TTC27: variants seen among roughly 807,000 people sequenced by gnomAD.
TTC27 encodes tetratricopeptide repeat domain 27, also known as tetratricopeptide repeat protein 27.
Under a neutral mutation model 115.9 loss-of-function variants are expected in TTC27, and 79 were observed. The observed-to-expected ratio is 0.68, with a 90% CI of 0.57 to 0.82. TTC27 has a LOEUF of 0.82. Ranked by LOEUF, TTC27 falls within the 40% of genes least tolerant of loss-of-function variation. The probability of loss-of-function intolerance (pLI) is 0.00; values close to 1 mark genes in which losing one functional copy is unlikely to be tolerated. For missense variants in TTC27, 1,054 were observed against 993.1 expected (o/e 1.06, Z -0.82); for synonymous variants, 401 against 356.0 (o/e 1.13, Z -1.42).
chr2:32,649,945 G>A (rs1665024939), intron 4 of TTC27, among the ~76,000 whole-genome samples, 186 bp from the exon 5 acceptor site: 1 of 152,248 alleles, frequency 6.6e-6, no homozygotes, highest in Non-Finnish European at 1.5e-5. Flanking sequence ...GAGGTGAGGT[G>A]TTATTCTTAT....
At position 32,789,892 on chromosome 2, in the gene TTC27, G is replaced by A. The variant is rs1455670899; in HGVS notation, c.1998+2743G>A. On this transcript the variant is annotated intron_variant, in intron 16 of 19. Coordinates refer to ENST00000317907, the MANE Select transcript of TTC27 (RefSeq NM_017735.5). ...GCCATGATCACACCACTGTACCCCA[G>A]CCTGGATGACAGAGCAAGACCCTGT... Among the ~76,000 whole-genome samples the A allele has an allele frequency of 5.0e-5, 6 of 120,658 alleles. No individual in the cohort carries two copies. The South Asian group carries it at 1.4e-3, about 28-fold the overall frequency. 79.2% of individuals were successfully genotyped at this position (120,658 alleles called of 152,430 possible).
chr2:32,656,083 A>G (rs1368561400), intron 5 of TTC27, among the ~76,000 whole-genome samples: 2 of 151,812 alleles, frequency 1.3e-5, no homozygotes, highest in East Asian at 3.9e-4. Context: ...TCTAAATGCC[A>G]ATTTCATAAT....
At chr2:32,698,956 T>A (rs142442125) in intron 9 of TTC27, among the ~76,000 whole-genome samples, 146 of 152,336 alleles carry the variant, frequency 9.6e-4, no homozygotes, top group African/African-American at 3.4e-3. Context: ...TTCCCAATTC[T>A]ATCTAGAGAA....
chr2:32,686,673 G>A (rs1204419787), intron 9 of TTC27, among the ~76,000 whole-genome samples: 2 of 151,558 alleles, frequency 1.3e-5, no homozygotes, highest in East Asian at 3.9e-4. Context: ...TTCTGTAGTG[G>A]TTCTGATTGG....
chr2:32,807,251 A>T (rs994705734), intron 16 of TTC27, among the ~76,000 whole-genome samples: 1 of 152,298 alleles, frequency 6.6e-6, no homozygotes, highest in South Asian at 2.1e-4. Flanking sequence ...TAACAGATAT[A>T]TAGTTTTACA....
intron 4 of TTC27, among the ~76,000 whole-genome samples, chr2:32,644,392 T>C (rs1439632838): frequency 1.3e-5 from 2 of 151,246 alleles, no homozygotes; most frequent in African/African-American, 4.9e-5. Flanking sequence ...TGAAAAATAA[T>C]ATATATACTG....
rs1664310790 is a variant in TTC27, at chr2:32,633,873, C to T, written c.267-3C>T. 1.2e-6 allele frequency: 2 copies of T among 1,612,724 alleles called. No individual in the cohort carries two copies. Among genetic ancestry groups the T allele is most frequent in the South Asian group, 1.1e-5 (1 of 90,678 alleles). ...TTATTTCTTTAACCATTCTTATATG[C>T]AGACAACAGTTGATATTTCTACTTG... On this transcript the variant is annotated splice_polypyrimidine_tract_variant and splice_region_variant and intron_variant, in intron 2 of 19. Coordinates refer to ENST00000317907, the MANE Select transcript of TTC27 (RefSeq NM_017735.5).
At chr2:32,655,568 A>G (rs1665285565) in intron 5 of TTC27, among the ~76,000 whole-genome samples, 1 of 152,206 alleles carries the variant, frequency 6.6e-6, no homozygotes. Context: ...CTTTCCAGGT[A>G]TAAAATAATG....
Position 32,787,035 on chromosome 2 carries a change from C to G in TTC27, c.1884C>G (p.His628Gln), listed in dbSNP as rs201493752. ...AAGCTCTCAAGTGTAACTATGAACA[C>G]TGGCAGATTTGGGAAAACTACATCC... ...LQEALKCNYE[H>Q]WQIWENYILT... The change falls in exon 16 of 20, where the codon CAC becomes CAG. Residue 628 changes from histidine (H) to glutamine (Q), a missense_variant. Physicochemically the swap from His to Gln is conservative, Grantham distance 24. Transcript: ENST00000317907. 3 of 1,614,090 alleles carry G rather than the reference C, an allele frequency of 1.9e-6. No homozygotes were observed. Among genetic ancestry groups the G allele is most frequent in the Non-Finnish European group, 2.5e-6 (3 of 1,179,986 alleles).
chr2:32,794,466 T>G (rs1670634875), intron 16 of TTC27, among the ~76,000 whole-genome samples: 1 of 152,068 alleles, frequency 6.6e-6, no homozygotes, highest in African/African-American at 2.4e-5. Context: ...AGGAAGAAAT[T>G]TATAACTCTA....
chr2:32,648,097 G>T (rs560942197), intron 4 of TTC27, among the ~76,000 whole-genome samples: 22 of 152,172 alleles, frequency 1.4e-4, no homozygotes, highest in Admixed American at 1.4e-3. Context: ...TGATATTGGG[G>T]CTGTGGAAGA....
intron 13 of TTC27, among the ~76,000 whole-genome samples, chr2:32,760,169 G>A (rs779488320): frequency 5.3e-5 from 8 of 152,140 alleles, no homozygotes; most frequent in South Asian, 2.1e-4. Flanking sequence ...CTTACTTTCC[G>A]AACTCTGAAT....
intron 13 of TTC27, among the ~76,000 whole-genome samples, chr2:32,764,654 G>C (rs1052237718): frequency 5.9e-5 from 9 of 152,154 alleles, no homozygotes; most frequent in Non-Finnish European, 1.2e-4. Context: ...TTTCTCTGTA[G>C]CATACAATGG....
At chr2:32,732,552 C>CT (rs982753765) in intron 10 of TTC27, among the ~76,000 whole-genome samples, 4 of 151,600 alleles carry the variant, frequency 2.6e-5, no homozygotes, top group Non-Finnish European at 5.9e-5. Context: ...GATTCCCGTC[C>CT]TTTTTTTTTC....
intron 12 of TTC27, among the ~76,000 whole-genome samples, chr2:32,754,065 C>A (rs527288746): frequency 6.6e-6 from 1 of 151,248 alleles, no homozygotes; most frequent in East Asian, 1.9e-4. Flanking sequence ...AGAAGCAAGA[C>A]TCCATCTCAA....
chr2:32,703,427 A>T (rs867844804), intron 10 of TTC27, among the ~76,000 whole-genome samples: 1 of 152,242 alleles, frequency 6.6e-6, no homozygotes, highest in Non-Finnish European at 1.5e-5. Flanking sequence ...AGATCGTGCC[A>T]TTGCACTCCA....
intron 16 of TTC27, among the ~76,000 whole-genome samples, chr2:32,788,598 G>A (rs1285263400): frequency 6.6e-6 from 1 of 152,132 alleles, no homozygotes; most frequent in Non-Finnish European, 1.5e-5. Flanking sequence ...TAATCTGCTT[G>A]TCTTTCTGTT....
At chr2:32,641,630 A>G (rs1171594174) in intron 4 of TTC27, among the ~76,000 whole-genome samples, 1 of 152,114 alleles carries the variant, frequency 6.6e-6, no homozygotes, top group Non-Finnish European at 1.5e-5. Context: ...TCTAAATTTT[A>G]TGTGAAATCT....
chr2:32,767,456 T>TTTTG (rs1553317310), intron 13 of TTC27, among the ~76,000 whole-genome samples: 1 of 139,800 alleles, frequency 7.2e-6, no homozygotes, highest in Non-Finnish European at 1.6e-5. Flanking sequence ...TTTTTTTGTT[T>TTTTG]TTTTTTTTTT....
Sources: gnomAD v4.1 joint callset for allele counts (sites outside exome capture counted in the v4.1 genomes callset) on GRCh38, gnomAD v4.1.1 for gene constraint, MANE v1.5 for transcripts, NCBI Gene and HGNC (gene_info 2026-07-23, HGNC 2026-07-21) for gene names.